The following SORBS2 variants were observed in gnomAD, a reference collection of about 807,000 sequenced individuals.
SORBS2 encodes sorbin and SH3 domain-containing protein 2.
Under a neutral mutation model 97.7 loss-of-function variants are expected in SORBS2, and 46 were observed. The observed-to-expected ratio is 0.47, with a 90% CI of 0.37 to 0.60. The LOEUF (loss-of-function observed/expected upper bound fraction) is 0.60. Among genes scored for constraint, SORBS2 ranks in the 20% least tolerant of loss-of-function variants. The pLI, the probability that SORBS2 is intolerant of heterozygous loss-of-function variation, is 0.00. For missense variants in SORBS2, 1,316 were observed against 1,282.3 expected, an observed-to-expected ratio of 1.03 and a Z score of -0.40; for synonymous variants, 476 against 473.4, an observed-to-expected ratio of 1.01 and a Z score of -0.07.
chr4:185,943,161 A>G (rs554196011), intron 1 of SORBS2, among the ~76,000 whole-genome samples: 33 of 152,258 alleles, frequency 2.2e-4, no homozygotes, highest in Non-Finnish European at 4.4e-4. Context: ...ACGTTCAAAC[A>G]CATTCAGAAA....
intron 2 of SORBS2, among the ~76,000 whole-genome samples, chr4:185,689,484 G>T (rs1439914477): frequency 6.6e-6 from 1 of 152,144 alleles, no homozygotes; most frequent in Non-Finnish European, 1.5e-5. Context: ...CATATGCAGG[G>T]TTATAACTTC....
At chr4:185,845,136 C>G (rs117625359) in intron 1 of SORBS2, among the ~76,000 whole-genome samples, 7 of 152,062 alleles carry the variant, frequency 4.6e-5, no homozygotes, top group African/African-American at 1.2e-4. Context: ...CCTCAGCCCC[C>G]CTAGTACCTG....
intron 2 of SORBS2, among the ~76,000 whole-genome samples, chr4:185,703,704 C>T (rs11736124): frequency 0.39 from 59,599 of 152,052 alleles, 13,215 homozygotes; most frequent in South Asian, 0.52. Flanking sequence ...TGCCAAGGTC[C>T]TATGACCCAC....
At chr4:185,761,996 G>A (rs2098896453) in intron 2 of SORBS2, among the ~76,000 whole-genome samples, 1 of 152,188 alleles carries the variant, frequency 6.6e-6, no homozygotes. Context: ...GATTTATTTT[G>A]GCAAGATAAC....
chr4:185,897,875 CA>C (rs201620963), intron 1 of SORBS2, among the ~76,000 whole-genome samples: 21 of 147,976 alleles, frequency 1.4e-4, no homozygotes, highest in South Asian at 6.4e-4. Flanking sequence ...TGTCTCCACT[CA>C]AAAAAAAAAA....
intron 2 of SORBS2, among the ~76,000 whole-genome samples, chr4:185,762,580 A>G (rs2098903307): frequency 6.6e-6 from 1 of 152,168 alleles, no homozygotes; most frequent in African/African-American, 2.4e-5. Flanking sequence ...GTGTCACAGA[A>G]GGCAAAGGGG....
chr4:185,838,024 T>A (rs570275181), intron 1 of SORBS2, among the ~76,000 whole-genome samples: 1 of 152,366 alleles, frequency 6.6e-6, no homozygotes, highest in Admixed American at 6.5e-5. Flanking sequence ...GTGTCCCTAC[T>A]GAAGTTCTAC....
chr4:185,908,336 A>AAT (rs1271636759), intron 1 of SORBS2, among the ~76,000 whole-genome samples: 173 of 132,622 alleles, frequency 1.3e-3, no homozygotes, highest in African/African-American at 4.0e-3. Flanking sequence ...TATACACACA[A>AAT]ATATATATAT....
intron 1 of SORBS2, among the ~76,000 whole-genome samples, chr4:185,883,554 G>A (rs546724207): frequency 1.3e-5 from 2 of 152,300 alleles, no homozygotes; most frequent in South Asian, 2.1e-4. Flanking sequence ...AAAGTCCTGT[G>A]TACAAATGTT....
intron 4 of SORBS2, among the ~76,000 whole-genome samples, chr4:185,643,884 G>A (rs374032194): frequency 1.3e-5 from 2 of 152,096 alleles, no homozygotes; most frequent in African/African-American, 2.4e-5. Flanking sequence ...TCGCTGCGAC[G>A]CCACTCTCAT....
intron 4 of SORBS2, among the ~76,000 whole-genome samples, chr4:185,635,734 G>A (rs1445268965): frequency 1.3e-5 from 2 of 152,242 alleles, no homozygotes; most frequent in South Asian, 2.1e-4. Flanking sequence ...AAACATTAAA[G>A]GAGCAAGTGG....
chr4:185,743,695 C>G (rs1226542033), intron 2 of SORBS2, among the ~76,000 whole-genome samples: 1 of 152,150 alleles, frequency 6.6e-6, no homozygotes, highest in Admixed American at 6.5e-5. Flanking sequence ...CAAACTAAGA[C>G]TCTGATGGTG....
At chr4:185,622,968 C>T (rs1349302306) in exon 7 of SORBS2, 4 of 1,613,824 alleles carry the variant, frequency 2.5e-6, no homozygotes, top group East Asian at 2.2e-5. Context: ...GCTGTGTCCA[C>T]GTCTTGGAAA....
chr4:185,730,143 G>C (rs546198622), intron 2 of SORBS2, among the ~76,000 whole-genome samples: 9 of 152,036 alleles, frequency 5.9e-5, no homozygotes, highest in Non-Finnish European at 1.0e-4. Flanking sequence ...TAGTAGAGAC[G>C]GGGTTTCACT....
intron 1 of SORBS2, among the ~76,000 whole-genome samples, chr4:185,878,216 A>G (rs1561260838): frequency 1.3e-5 from 2 of 152,222 alleles, no homozygotes; most frequent in East Asian, 3.8e-4. Flanking sequence ...GGTATACCAG[A>G]TAAGTGTTTT....
chr4:185,756,645 G>A (rs1406867410), intron 2 of SORBS2, among the ~76,000 whole-genome samples: 8 of 151,628 alleles, frequency 5.3e-5, no homozygotes, highest in South Asian at 2.1e-4. Flanking sequence ...ATCCTGAAGC[G>A]GGCTTCCATT....
chr4:185,626,998 G>T, exon 6 of SORBS2: 1 of 1,614,146 alleles, frequency 6.2e-7, no homozygotes, highest in Non-Finnish European at 8.5e-7. Context: ...GCTTCCTGAA[G>T]TCACTGGCCA....
intron 4 of SORBS2, among the ~76,000 whole-genome samples, chr4:185,671,720 C>T (rs1480984567): frequency 6.6e-6 from 1 of 152,218 alleles, no homozygotes; most frequent in Non-Finnish European, 1.5e-5. Context: ...AACATTCTGT[C>T]TCTTTTGCTC....
At position 185,868,159 on chromosome 4, in the gene SORBS2, C is replaced by CTTTCTTTTTTTTTT. The variant is rs59057506; in HGVS notation, c.-338+88036_-338+88037insAAAAAAAAAAGAAA. ...TCTCTTTTCTTTTCTTTTTTTCTTT[C>CTTTCTTTTTTTTTT]TTTTTTTTTTTTTTTGAGGCAGAGT... On this transcript the variant is annotated intron_variant, in intron 1 of 20. Coordinates refer to the SORBS2 transcript ENST00000284776. Among the ~76,000 whole-genome samples the CTTTCTTTTTTTTTT allele has an allele frequency of 9.4e-4, 99 of 105,198 alleles. 4 individuals carry two copies. Among genetic ancestry groups the CTTTCTTTTTTTTTT allele is most frequent in the African/African-American group, 3.9e-3 (99 of 25,598 alleles). The allele number at this position is 105,198 out of a possible 152,430, so 69.0% of individuals were successfully genotyped here. A position where few individuals can be genotyped will look rare whatever the true frequency, so the allele number is the denominator to read the frequency against.
Sources: allele counts gnomAD v4.1 joint callset (sites outside exome capture counted in the v4.1 genomes callset), GRCh38; gene constraint gnomAD v4.1.1; transcripts MANE v1.5; gene names NCBI Gene and HGNC (gene_info 2026-07-23, HGNC 2026-07-21).